LARGE1: variants seen among roughly 807,000 people sequenced by gnomAD.
LARGE1 encodes the protein xylosyl- and glucuronyltransferase LARGE1.
LARGE1 carries 43 observed loss-of-function variants against 87.6 expected under a neutral mutation model. The observed-to-expected ratio is 0.49, with a 90% CI of 0.38 to 0.63. LARGE1 has a LOEUF of 0.63. Ranked by LOEUF, LARGE1 falls within the 30% of genes least tolerant of loss-of-function variation. The probability of loss-of-function intolerance (pLI) is 0.00; values close to 1 mark genes in which losing one functional copy is unlikely to be tolerated. For missense variants in LARGE1, 802 were observed against 1,000.2 expected, an observed-to-expected ratio of 0.80 and a Z score of 2.67; for synonymous variants, 434 against 394.6, an observed-to-expected ratio of 1.10 and a Z score of -1.18.
chr22:33,456,478 C>T (rs1305572488), intron 6 of LARGE1, among the ~76,000 whole-genome samples: 1 of 152,226 alleles, frequency 6.6e-6, no homozygotes, highest in Non-Finnish European at 1.5e-5. Flanking sequence ...GCTTCTACAT[C>T]TATGCCTCAT....
At chr22:33,284,310 C>G (rs1180038528) in intron 12 of LARGE1, among the ~76,000 whole-genome samples, 1 of 152,176 alleles carries the variant, frequency 6.6e-6, no homozygotes, top group Non-Finnish European at 1.5e-5. Context: ...TCAGTGACTC[C>G]TCAACTCCTT....
chr22:33,886,370 T>A (rs1180631959), intron 1 of LARGE1, among the ~76,000 whole-genome samples: 1 of 152,158 alleles, frequency 6.6e-6, no homozygotes, highest in African/African-American at 2.4e-5. Context: ...CTGTTTTTAT[T>A]CCTATGTTAT....
At chr22:33,701,554 C>A (rs915493854) in intron 2 of LARGE1, among the ~76,000 whole-genome samples, 4 of 152,228 alleles carry the variant, frequency 2.6e-5, no homozygotes, top group African/African-American at 9.6e-5. Flanking sequence ...CCATCCTCAG[C>A]TCTAGGTTGA....
chr22:33,155,419 G>A, the LARGE1 span, among the ~76,000 whole-genome samples: 1 of 152,150 alleles, frequency 6.6e-6, no homozygotes, highest in African/African-American at 2.4e-5. Context: ...AACTTGTTGG[G>A]AATTGGAGCA....
the LARGE1 span, among the ~76,000 whole-genome samples, chr22:33,142,932 G>A: frequency 3.3e-5 from 5 of 152,200 alleles, no homozygotes; most frequent in African/African-American, 1.2e-4. Flanking sequence ...GGGAGAGAGA[G>A]AGACATTCGA....
Position 33,277,105 on chromosome 22 carries a change from G to A in LARGE1, c.2028C>T (p.Gly676=). ...DCPEYDRRFV[G]FGWNKVAHIM... ...TATGAGCCACTTTGTTCCAGCCAAA[G>A]CCTACAAACCTCCGGTCGTACTCCG... The change falls in exon 14 of 15, where the codon GGC becomes GGT. Residue 676 remains glycine (G), a synonymous_variant. Transcript: ENST00000397394. The A allele has an allele frequency of 6.2e-7, 1 of 1,614,198 alleles. No individual in the cohort carries two copies. The highest frequency in any genetic ancestry group is 1.1e-5 in the South Asian group (1 of 91,090).
At chr22:33,610,582 T>A (rs1049276402) in intron 4 of LARGE1, among the ~76,000 whole-genome samples, 1 of 152,042 alleles carries the variant, frequency 6.6e-6, no homozygotes, top group African/African-American at 2.4e-5. Context: ...GGTGTAAAAA[T>A]TTGGAAATTT....
chr22:33,286,388 T>C (rs1374656999), intron 12 of LARGE1, among the ~76,000 whole-genome samples: 2 of 152,104 alleles, frequency 1.3e-5, no homozygotes, highest in Non-Finnish European at 2.9e-5. Context: ...ATCTAAAGAA[T>C]ATACTTGGAC....
intron 11 of LARGE1, among the ~76,000 whole-genome samples, chr22:33,170,101 G>A (rs1333712011): frequency 6.6e-6 from 1 of 152,042 alleles, no homozygotes; most frequent in Non-Finnish European, 1.5e-5. Flanking sequence ...TTATTGCCCT[G>A]GGCTGGTGAC....
chr22:33,584,286 C>G (rs1406926991), intron 5 of LARGE1, among the ~76,000 whole-genome samples: 1 of 152,274 alleles, frequency 6.6e-6, no homozygotes, highest in Non-Finnish European at 1.5e-5. Context: ...CTCTTCACCT[C>G]CTCCTCAAAG....
chr22:33,171,701 G>A (rs563744476), intron 11 of LARGE1, among the ~76,000 whole-genome samples: 1 of 152,206 alleles, frequency 6.6e-6, no homozygotes, highest in Non-Finnish European at 1.5e-5. Flanking sequence ...GCTGAGGTTT[G>A]GGAATGTCCA....
At chr22:33,371,079 A>G (rs1487409134) in intron 9 of LARGE1, among the ~76,000 whole-genome samples, 1 of 151,138 alleles carries the variant, frequency 6.6e-6, no homozygotes, top group Non-Finnish European at 1.5e-5. Context: ...AACATGTTAT[A>G]TGAATAATAC....
At chr22:33,146,511 G>C in the LARGE1 span, among the ~76,000 whole-genome samples, 97 of 152,262 alleles carry the variant, frequency 6.4e-4, no homozygotes, top group African/African-American at 2.3e-3. Flanking sequence ...AGACTCAGTT[G>C]GCTTATGTCT....
intron 1 of LARGE1, among the ~76,000 whole-genome samples, chr22:33,853,769 G>A (rs2063677576): frequency 6.6e-6 from 1 of 152,234 alleles, no homozygotes; most frequent in African/African-American, 2.4e-5. Flanking sequence ...TCTGCCTGTT[G>A]TGCCGTCTGC....
At chr22:33,187,228 T>C (rs1367550219) in intron 11 of LARGE1, among the ~76,000 whole-genome samples, 3 of 152,198 alleles carry the variant, frequency 2.0e-5, no homozygotes, top group East Asian at 3.8e-4. Flanking sequence ...AGTCAAGATA[T>C]GGAATCAAAC....
At position 33,362,655 on chromosome 22, in the gene LARGE1, G is replaced by A. The variant is rs555439115; in HGVS notation, c.1131+19264C>T. On this transcript the variant is annotated intron_variant, in intron 9 of 14. Transcript: ENST00000397394. The stretch of plus-strand genomic sequence containing the variant: ...ATTACCGAAGGTGTTTTTCTATCTT[G>A]TGTTTCTAATGCAATTGGAAATCTA... Among the ~76,000 whole-genome samples the A allele has an allele frequency of 9.0e-4, 135 of 149,952 alleles. 5 individuals carry two copies. Among genetic ancestry groups the A allele is most frequent in the Non-Finnish European group, 1.5e-3 (103 of 67,194 alleles).
chr22:33,091,902 G>T, the LARGE1 span, among the ~76,000 whole-genome samples: 1 of 150,072 alleles, frequency 6.7e-6, no homozygotes, highest in Non-Finnish European at 1.5e-5. Context: ...TTTTTCGTTT[G>T]TTTGTTTGTT....
At position 33,645,422 on chromosome 22, in the gene LARGE1, C is replaced by T. The variant is rs528954926; in HGVS notation, c.408+4945G>A. On this transcript the variant is annotated intron_variant, in intron 3 of 14. Transcript: ENST00000397394. ...AAACTGAAACTGGACCCCTTCCTTA[C>T]ACCTTATACAAAAATTAACTCAAGA... Among the ~76,000 whole-genome samples the T allele has an allele frequency of 2.6e-5, 4 of 152,290 alleles. No homozygotes were observed. In the East Asian group the frequency reaches 5.8e-4, roughly 22 times the overall value.
intron 6 of LARGE1, among the ~76,000 whole-genome samples, chr22:33,495,091 C>G (rs948119975): frequency 6.6e-6 from 1 of 152,106 alleles, no homozygotes; most frequent in African/African-American, 2.4e-5. Context: ...GCCTAACACT[C>G]TCTTCCCCAC....
Sources: gnomAD v4.1 joint callset for allele counts (sites outside exome capture counted in the v4.1 genomes callset) on GRCh38, gnomAD v4.1.1 for gene constraint, MANE v1.5 for transcripts, NCBI Gene and HGNC (gene_info 2026-07-23, HGNC 2026-07-21) for gene names.